The following CAB39L variants were observed in gnomAD, a reference collection of about 807,000 sequenced individuals.
The protein encoded by CAB39L is calcium-binding protein 39-like.
CAB39L carries 23 observed loss-of-function variants against 39.1 expected under a neutral mutation model. The observed-to-expected ratio is 0.59, with a 90% CI of 0.42 to 0.83. CAB39L has a LOEUF of 0.83. CAB39L is among the 40% of genes least tolerant of loss of function. CAB39L has a pLI of 0.00. For synonymous variants in CAB39L, 126 were observed against 137.2 expected (o/e 0.92, Z 0.57); for missense variants, 366 against 391.9 (o/e 0.93, Z 0.56).
Position 49,440,715 on chromosome 13 carries a change from AGTGTGTGTGTGTGTGTGTGTGT to A in CAB39L, c.-246+3249_-246+3270del, listed in dbSNP as rs56314282. On this transcript the variant is annotated intron_variant, in intron 1 of 10. Coordinates refer to ENST00000409308, the MANE Select transcript of CAB39L (RefSeq NM_001079670.3). Reference sequence around the variant, plus strand: ...TCCTTGGTTAGAGGTATTCCTAGGCAGTGTGTGTGTGTGTGTGTGTGTGTGTGTGTGTGTGTGTGTGTGTATG... The same window carrying A: ...TCCTTGGTTAGAGGTATTCCTAGGCAGTGTGTGTGTGTGTGTGTGTGTATG... Among the ~76,000 whole-genome samples the A allele has an allele frequency of 5.6e-3, 758 of 135,538 alleles. 14 individuals carry two copies. In the East Asian group the frequency reaches 0.08, roughly 14 times the overall value. 88.9% of individuals were successfully genotyped at this position (135,538 alleles called of 152,430 possible).
chr13:49,343,340 T>A (rs1955055865), intron 8 of CAB39L, among the ~76,000 whole-genome samples: 1 of 152,154 alleles, frequency 6.6e-6, no homozygotes, highest in African/African-American at 2.4e-5. Flanking sequence ...AACAACCCTA[T>A]GATTCAGGTA....
chr13:49,384,008 G>T (rs574046544), intron 3 of CAB39L, among the ~76,000 whole-genome samples: 23 of 152,264 alleles, frequency 1.5e-4, no homozygotes, highest in African/African-American at 5.5e-4. Flanking sequence ...TTTCTTAAAA[G>T]AAGACAATAA....
chr13:49,402,887 T>C (rs1344883825), intron 3 of CAB39L, among the ~76,000 whole-genome samples: 1 of 152,152 alleles, frequency 6.6e-6, no homozygotes, highest in Non-Finnish European at 1.5e-5. Flanking sequence ...TTTTTAGAGT[T>C]TTATTTCTCC....
At chr13:49,331,325 G>T (rs918299748) in intron 10 of CAB39L, among the ~76,000 whole-genome samples, 1 of 151,998 alleles carries the variant, frequency 6.6e-6, no homozygotes, top group Admixed American at 6.6e-5. Flanking sequence ...AATTAGCCAG[G>T]AGTGGTGGCA....
intron 10 of CAB39L, among the ~76,000 whole-genome samples, chr13:49,320,680 C>T (rs573655993): frequency 1.3e-5 from 2 of 152,302 alleles, no homozygotes; most frequent in South Asian, 4.1e-4. Flanking sequence ...TGTATATGCT[C>T]CTGTTACGGT....
intron 3 of CAB39L, among the ~76,000 whole-genome samples, chr13:49,432,680 A>G (rs1306325968): frequency 1.3e-5 from 2 of 152,188 alleles, no homozygotes; most frequent in Non-Finnish European, 2.9e-5. Context: ...CTTACAAGGT[A>G]CCTGAGAGTA....
intron 1 of CAB39L, among the ~76,000 whole-genome samples, chr13:49,441,367 G>A (rs1340629141): frequency 6.6e-6 from 1 of 151,804 alleles, no homozygotes; most frequent in African/African-American, 2.4e-5. Context: ...TGGAGTCCAG[G>A]AGTTTGAGAC....
chr13:49,367,958 A>G (rs1345285629), intron 5 of CAB39L, among the ~76,000 whole-genome samples: 2 of 152,154 alleles, frequency 1.3e-5, no homozygotes, highest in Non-Finnish European at 2.9e-5. Context: ...GAATTACATA[A>G]ATTTTATTTA....
intron 8 of CAB39L, 142 bp from the exon 9 acceptor site, chr13:49,339,884 A>G (rs1954956527): frequency 6.7e-6 from 7 of 1,051,882 alleles, no homozygotes; most frequent in Non-Finnish European, 8.6e-6. Flanking sequence ...ACACTGGGGG[A>G]CAGGGAGGTC....
Position 49,382,850 on chromosome 13 carries a change from G to T in CAB39L, c.61C>A (p.Leu21Met), listed in dbSNP as rs543858416. 1.9e-6 allele frequency: 3 copies of T among 1,610,248 alleles called. No homozygotes were observed. The South Asian group carries it at 3.3e-5, about 18-fold the overall frequency. ...HKNPAEIVKI[L>M]KDNLAILEKQ... is the part of the protein sequence containing the mutation. Reference sequence around the variant, plus strand: ...TCCAAAATGGCCAAATTGTCTTTCAGGATTTTCACAATTTCTGCTGGATTT... The same window carrying T: ...TCCAAAATGGCCAAATTGTCTTTCATGATTTTCACAATTTCTGCTGGATTT... The change falls in exon 4 of 11, where the codon CTG (leucine) becomes ATG (methionine). Residue 21 changes from leucine to methionine, a missense_variant. Physicochemically the swap from Leu to Met is conservative, Grantham distance 15. Transcript: ENST00000409308.
At chr13:49,322,289 T>A (rs1954371259) in intron 10 of CAB39L, among the ~76,000 whole-genome samples, 1 of 152,186 alleles carries the variant, frequency 6.6e-6, no homozygotes, top group South Asian at 2.1e-4. Flanking sequence ...TAGCACAATG[T>A]TTTTAAGGTT....
At chr13:49,371,189 C>CTTTTTTTTTTTTTTTTTT (rs386379129) in intron 5 of CAB39L, among the ~76,000 whole-genome samples, 1 of 102,242 alleles carries the variant, frequency 9.8e-6, no homozygotes, top group African/African-American at 3.9e-5. Context: ...CTTTTTCTTT[C>CTTTTTTTTTTTTTTTTTT]TTTTTTTTTT....
At chr13:49,356,712 G>A (rs998380238) in intron 6 of CAB39L, among the ~76,000 whole-genome samples, 7 of 152,016 alleles carry the variant, frequency 4.6e-5, no homozygotes, top group Admixed American at 1.3e-4. Context: ...AGGATAATTC[G>A]GTAAAAATCC....
At chr13:49,371,757 A>G (rs1233335331) in intron 5 of CAB39L, among the ~76,000 whole-genome samples, 2 of 151,396 alleles carry the variant, frequency 1.3e-5, no homozygotes, top group Non-Finnish European at 1.5e-5. Flanking sequence ...TACTCTGCTA[A>G]TTTTTTTTAT....
intron 3 of CAB39L, among the ~76,000 whole-genome samples, chr13:49,383,428 C>T (rs1291453168): frequency 6.6e-6 from 1 of 152,120 alleles, no homozygotes; most frequent in Non-Finnish European, 1.5e-5. Flanking sequence ...ATTTCTGGCT[C>T]TTTGAGTCAA....
At chr13:49,392,588 C>T (rs1956513534) in intron 3 of CAB39L, among the ~76,000 whole-genome samples, 1 of 151,932 alleles carries the variant, frequency 6.6e-6, no homozygotes, top group Non-Finnish European at 1.5e-5. Flanking sequence ...TTGCAGTGAG[C>T]CGAGATTGTA....
At chr13:49,347,440 C>T (rs543204239) in intron 7 of CAB39L, among the ~76,000 whole-genome samples, 1 of 152,202 alleles carries the variant, frequency 6.6e-6, no homozygotes, top group South Asian at 2.1e-4. Context: ...CCTCTATTGG[C>T]GTTTGTTCTA....
intron 10 of CAB39L, among the ~76,000 whole-genome samples, chr13:49,314,346 C>A (rs188941657): frequency 6.6e-6 from 1 of 152,306 alleles, no homozygotes; most frequent in African/African-American, 2.4e-5. Context: ...AGAACATCAG[C>A]AGCTTCAGCA....
Position 49,319,858 on chromosome 13 carries a change from A to C in CAB39L, c.835-8865T>G, listed in dbSNP as rs552659616. On this transcript the variant is annotated intron_variant, in intron 10 of 10. Transcript: ENST00000409308. ...AAAAAAAAAAAAAAAGATTAACTAT[A>C]ATAGACAAACTGATGTTGCAAACCA... 5.9e-5 allele frequency among the ~76,000 whole-genome samples: 9 copies of C among 152,136 alleles called. 1 individual carries two copies. The highest frequency in any genetic ancestry group is 2.2e-4 in the African/African-American group (9 of 41,516).
Sources: gnomAD v4.1 joint callset for allele counts (sites outside exome capture counted in the v4.1 genomes callset) on GRCh38, gnomAD v4.1.1 for gene constraint, MANE v1.5 for transcripts, NCBI Gene and HGNC (gene_info 2026-07-23, HGNC 2026-07-21) for gene names.